The following MEGF11 variants were observed in gnomAD, a reference collection of about 807,000 sequenced individuals.
MEGF11 encodes the protein multiple epidermal growth factor-like domains protein 11.
In MEGF11, 126 loss-of-function variants were observed where a neutral mutation model predicts 146.6. The observed-to-expected ratio is 0.86, with a 90% CI of 0.74 to 1.00. The LOEUF is 1.00. MEGF11 is among the 50% of genes least tolerant of loss of function. The pLI is 0.00. For missense variants in MEGF11, 1,509 were observed against 1,521.2 expected (o/e 0.99, Z 0.13); for synonymous variants, 532 against 583.4 (o/e 0.91, Z 1.27).
chr15:66,011,665 G>A (rs560277685), intron 5 of MEGF11, among the ~76,000 whole-genome samples: 3 of 152,004 alleles, frequency 2.0e-5, no homozygotes, highest in South Asian at 2.1e-4. Flanking sequence ...CAGAAAAAAC[G>A]ATGCATGTAG....
intron 1 of MEGF11, among the ~76,000 whole-genome samples, chr15:66,178,238 G>C (rs1490578463): frequency 6.6e-6 from 1 of 152,000 alleles, no homozygotes; most frequent in Admixed American, 6.6e-5. Flanking sequence ...TGCCTTCCTC[G>C]GCTTCCCAAA....
At chr15:66,120,777 A>G (rs1014559378) in intron 3 of MEGF11, among the ~76,000 whole-genome samples, 19 of 152,230 alleles carry the variant, frequency 1.2e-4, no homozygotes, top group Non-Finnish European at 2.1e-4. Context: ...CAGGTAAAGA[A>G]TAACTCAGAA....
At chr15:66,239,031 T>C (rs796969678) in intron 1 of MEGF11, among the ~76,000 whole-genome samples, 40 of 152,356 alleles carry the variant, frequency 2.6e-4, no homozygotes, top group African/African-American at 9.4e-4. Context: ...ATTGACTGAA[T>C]GAGTAGAAGT....
At chr15:66,119,328 C>A in intron 3 of MEGF11, 142 bp from the exon 4 acceptor site, 1 of 638,640 alleles carries the variant, frequency 1.6e-6, no homozygotes, top group Non-Finnish European at 2.7e-6. Context: ...TGAAGGAACA[C>A]AATAAAAAAA....
chr15:66,010,595 A>G (rs1430936799), intron 5 of MEGF11, among the ~76,000 whole-genome samples: 2 of 152,302 alleles, frequency 1.3e-5, no homozygotes, highest in Non-Finnish European at 2.9e-5. Flanking sequence ...GGACAGCTCT[A>G]TTGAATAGAG....
chr15:65,970,865 C>A, intron 7 of MEGF11, 176 bp from the exon 8 acceptor site: 1 of 652,154 alleles, frequency 1.5e-6, no homozygotes, highest in Non-Finnish European at 2.6e-6. Flanking sequence ...GAGACTGAGG[C>A]CAACTTGCTC....
At position 65,896,142 on chromosome 15, in the gene MEGF11, A is replaced by G. The variant is rs774222846; in HGVS notation, c.*1792T>C. ...GCTGCTTACCTATATTTCTTTCTAC[A>G]TATGTATGAGAAATATTTACTTGGG... is the stretch of plus-strand genomic sequence containing the variant. On this transcript the variant is annotated 3_prime_UTR_variant, in exon 26 of 26. Transcript: ENST00000395614. The G allele has an allele frequency of 1.3e-5, 2 of 152,530 alleles. No individual in the cohort carries two copies. The highest frequency in any genetic ancestry group is 2.4e-5 in the African/African-American group (1 of 41,426). The allele number at this position is 152,530 out of a possible 1,614,324, so 9.4% of individuals were successfully genotyped here.
intron 2 of MEGF11, among the ~76,000 whole-genome samples, chr15:66,127,043 C>G (rs1328748522): frequency 1.3e-5 from 2 of 152,192 alleles, no homozygotes; most frequent in Non-Finnish European, 2.9e-5. Context: ...GCCCTCAAAG[C>G]ACTTTTGTGA....
Position 65,982,549 on chromosome 15 carries a change from C to T in MEGF11, c.395-61G>A. 7.1e-7 allele frequency: 1 copy of T among 1,415,154 alleles called. No individual in the cohort carries two copies. Among genetic ancestry groups the T allele is most frequent in the Non-Finnish European group, 9.2e-7 (1 of 1,087,740 alleles). 87.7% of individuals were successfully genotyped at this position (1,415,154 alleles called of 1,614,324 possible). A position where few individuals can be genotyped will look rare whatever the true frequency, so the allele number is the denominator to read the frequency against. Reference sequence around the variant, plus strand: ...CGAAGGCTCTCCTTGGGGCAGGGGCCAGGAACCGATGCCCATGCGGCCTTC... The same window carrying T: ...CGAAGGCTCTCCTTGGGGCAGGGGCTAGGAACCGATGCCCATGCGGCCTTC... On this transcript the variant is annotated intron_variant, in intron 5 of 25. Transcript: ENST00000395614. The surrounding 1 kb of genome is among the most constrained non-coding windows in gnomAD (Gnocchi z 5.6).
intron 4 of MEGF11, 36 bp from the exon 5 acceptor site, chr15:66,094,530 A>G (rs1199604170): frequency 1.3e-6 from 2 of 1,525,402 alleles, no homozygotes; most frequent in African/African-American, 2.8e-5. Context: ...AAGAACCAGA[A>G]CAAACAGTGA....
chr15:66,181,303 T>G (rs1188075510), intron 1 of MEGF11, among the ~76,000 whole-genome samples: 3 of 152,192 alleles, frequency 2.0e-5, no homozygotes, highest in African/African-American at 7.2e-5. Context: ...AGTGGCACAA[T>G]CACGGCTCAC....
chr15:66,076,790 C>G (rs1228589884), intron 5 of MEGF11, among the ~76,000 whole-genome samples: 1 of 152,194 alleles, frequency 6.6e-6, no homozygotes, highest in African/African-American at 2.4e-5. Flanking sequence ...AACTCTTAAT[C>G]ACAGCAATCT....
chr15:65,912,284 G>T (rs990999415), intron 20 of MEGF11, 84 bp from the exon 21 acceptor site: 2 of 836,524 alleles, frequency 2.4e-6, no homozygotes, highest in African/African-American at 1.8e-5. Flanking sequence ...TGCGCTGGGA[G>T]CCTTGAGAGA....
chr15:66,160,437 A>C (rs2089911954), intron 1 of MEGF11, among the ~76,000 whole-genome samples: 1 of 152,154 alleles, frequency 6.6e-6, no homozygotes, highest in Non-Finnish European at 1.5e-5. Context: ...CCAGCATCAG[A>C]CACTCAACCT....
At chr15:65,899,730 T>TG (rs1200706426) in intron 24 of MEGF11, among the ~76,000 whole-genome samples, 1 of 152,256 alleles carries the variant, frequency 6.6e-6, no homozygotes, top group Non-Finnish European at 1.5e-5. Context: ...CTAGCAAGCC[T>TG]GTAACGTGTT....
At chr15:66,253,211 G>A (rs978744740) in intron 1 of MEGF11, among the ~76,000 whole-genome samples, 1 of 152,162 alleles carries the variant, frequency 6.6e-6, no homozygotes. Flanking sequence ...CGGCTTGAGA[G>A]CGGAGTCCCC....
intron 5 of MEGF11, among the ~76,000 whole-genome samples, chr15:66,007,199 G>A (rs1012646166): frequency 2.0e-5 from 3 of 152,204 alleles, no homozygotes; most frequent in African/African-American, 7.2e-5. Context: ...ACTACCTTAT[G>A]TTGACGGCAG....
chr15:65,955,408 T>TC (rs1234808607), intron 10 of MEGF11, among the ~76,000 whole-genome samples: 10 of 151,294 alleles, frequency 6.6e-5, no homozygotes, highest in African/African-American at 9.7e-5. Flanking sequence ...GTTTTTTTTT[T>TC]TTTAATCTTA....
In MEGF11 at chr15:65,980,782, C is replaced by T; in HGVS notation, c.758G>A (p.Trp253Ter). ...AGATCCTTTGGGCCCACTTACCGTCCAGCCTGGGGGGCAGGCACACTCGCC... is the reference window on the plus strand; with the variant it reads ...AGATCCTTTGGGCCCACTTACCGTCTAGCCTGGGGGGCAGGCACACTCGCC... ...ITGECACPPGWTGAVCAQPCP... is the reference protein window; with the variant it reads ...ITGECACPPG Residue 253 changes from tryptophan to a stop codon, truncating the protein, a stop_gained, in exon 7 of 26, where the codon TGG becomes TAG. Coordinates refer to ENST00000395614, the MANE Select transcript of MEGF11 (RefSeq NM_001385028.1). LOFTEE classifies it high-confidence loss of function. 2.5e-6 allele frequency: 4 copies of T among 1,601,276 alleles called. No homozygotes were observed. Among genetic ancestry groups the T allele is most frequent in the Non-Finnish European group, 3.4e-6 (4 of 1,174,304 alleles).
Sources: allele counts gnomAD v4.1 joint callset (sites outside exome capture counted in the v4.1 genomes callset), GRCh38; gene constraint gnomAD v4.1.1; non-coding constraint Gnocchi (gnomAD v3.1); transcripts MANE v1.5; gene names NCBI Gene and HGNC (gene_info 2026-07-23, HGNC 2026-07-21).